The following NETO1 variants were observed in gnomAD, a reference collection of about 807,000 sequenced individuals.
The protein encoded by NETO1 is neuropilin and tolloid-like protein 1.
In NETO1, 26 loss-of-function variants were observed where a neutral mutation model predicts 61.3. The observed-to-expected ratio is 0.42, with a 90% CI of 0.31 to 0.59. NETO1 has a LOEUF of 0.59. NETO1 is among the 20% of genes least tolerant of loss of function. The pLI, the probability that NETO1 is intolerant of heterozygous loss-of-function variation, is 0.12. For missense variants in NETO1, 531 were observed against 662.8 expected, an observed-to-expected ratio of 0.80 and a Z score of 2.18; for synonymous variants, 225 against 225.8, an observed-to-expected ratio of 1.00 and a Z score of 0.03.
chr18:72,821,571 A>AAC (rs1568227866), intron 4 of NETO1, among the ~76,000 whole-genome samples: 8 of 150,652 alleles, frequency 5.3e-5, no homozygotes, highest in South Asian at 2.1e-4. Flanking sequence ...AAAAAAAAAA[A>AAC]AAAAAAGGAA....
intron 7 of NETO1, among the ~76,000 whole-genome samples, chr18:72,777,604 G>A (rs927363938): frequency 9.2e-5 from 14 of 151,560 alleles, no homozygotes; most frequent in Admixed American, 1.3e-4. Context: ...TTAGCAGGGC[G>A]TGGTGGCGGG....
chr18:72,775,150 T>C (rs944987312), intron 7 of NETO1, among the ~76,000 whole-genome samples: 21 of 152,208 alleles, frequency 1.4e-4, no homozygotes, highest in African/African-American at 4.3e-4. Context: ...ATTATACCTA[T>C]GGGAGCAAGC....
At chr18:72,837,373 AG>A (rs2073784318) in intron 4 of NETO1, among the ~76,000 whole-genome samples, 1 of 152,194 alleles carries the variant, frequency 6.6e-6, no homozygotes, top group Non-Finnish European at 1.5e-5. Context: ...TATAAGAAAA[AG>A]TAATCATTGC....
intron 7 of NETO1, among the ~76,000 whole-genome samples, chr18:72,768,440 C>G (rs1291381559): frequency 6.6e-6 from 1 of 152,092 alleles, no homozygotes; most frequent in African/African-American, 2.4e-5. Flanking sequence ...CAGCTTAATA[C>G]AAACAAGCAA....
intron 3 of NETO1, 117 bp from the exon 4 acceptor site, chr18:72,859,191 G>C: frequency 1.0e-6 from 1 of 986,926 alleles, no homozygotes; most frequent in Non-Finnish European, 1.5e-6. Context: ...TGGATGATAT[G>C]CATAGAAATA....
chr18:72,763,991 A>G (rs947724499), intron 7 of NETO1, among the ~76,000 whole-genome samples: 6 of 152,134 alleles, frequency 3.9e-5, no homozygotes, highest in African/African-American at 9.7e-5. Context: ...GCGAAGGGGG[A>G]AACCCCTTAT....
chr18:72,831,093 T>C (rs1485959942), intron 4 of NETO1, among the ~76,000 whole-genome samples: 1 of 152,200 alleles, frequency 6.6e-6, no homozygotes, highest in African/African-American at 2.4e-5. Flanking sequence ...AGTATTTATT[T>C]CTGGCTCCTC....
rs1284899396 is a variant in NETO1 at position 72,830,152 on chromosome 18, A to G, written c.469+28674T>C. On this transcript the variant is annotated intron_variant, in intron 4 of 10. Coordinates refer to ENST00000327305, the MANE Select transcript of NETO1 (RefSeq NM_138966.5). The surrounding 1 kb of genome is among the most constrained non-coding windows in gnomAD (Gnocchi z 4.9). Reference sequence around the variant, plus strand: ...ATAAAACCTATGGCTTTATCATCATAGAGGATCATGCATGTAAGCCGTCCA... The same window carrying G: ...ATAAAACCTATGGCTTTATCATCATGGAGGATCATGCATGTAAGCCGTCCA... Among the ~76,000 whole-genome samples, 1 of 152,166 alleles carries G rather than the reference A, an allele frequency of 6.6e-6. No individual in the cohort carries two copies. Among genetic ancestry groups the G allele is most frequent in the Non-Finnish European group, 1.5e-5 (1 of 68,022 alleles).
At chr18:72,799,919 T>A (rs1366831017) in intron 4 of NETO1, among the ~76,000 whole-genome samples, 1 of 152,220 alleles carries the variant, frequency 6.6e-6, no homozygotes, top group Admixed American at 6.5e-5. Flanking sequence ...CTCAACAAAC[T>A]CAATCTGTCA....
intron 4 of NETO1, among the ~76,000 whole-genome samples, chr18:72,826,057 C>T (rs1403329227): frequency 6.6e-6 from 1 of 152,096 alleles, no homozygotes; most frequent in Non-Finnish European, 1.5e-5. Context: ...TTTCATATAA[C>T]TTACTTGTAT....
chr18:72,807,400 GC>G, intron 4 of NETO1, among the ~76,000 whole-genome samples: 1 of 152,220 alleles, frequency 6.6e-6, no homozygotes, highest in African/African-American at 2.4e-5. Flanking sequence ...GGCTTGTAAA[GC>G]TTTTTTGTTC....
At chr18:72,844,648 A>G (rs1276010792) in intron 4 of NETO1, among the ~76,000 whole-genome samples, 1 of 152,078 alleles carries the variant, frequency 6.6e-6, no homozygotes, top group Non-Finnish European at 1.5e-5. Flanking sequence ...ATTTCATTTT[A>G]TTCATTTATT....
chr18:72,813,896 GA>G (rs1006460287), intron 4 of NETO1, among the ~76,000 whole-genome samples: 2 of 151,614 alleles, frequency 1.3e-5, no homozygotes, highest in Non-Finnish European at 2.9e-5. Context: ...TGTTGAAAAA[GA>G]AAAAAATCTA....
At chr18:72,755,892 C>CA in intron 8 of NETO1, 142 bp downstream of exon 8, 1 of 510,938 alleles carries the variant, frequency 2.0e-6, no homozygotes, top group Non-Finnish European at 3.6e-6. Flanking sequence ...AAAACGCTTA[C>CA]AAATCAATTA....
At chr18:72,797,380 AT>A (rs1202167171) in intron 4 of NETO1, among the ~76,000 whole-genome samples, 2 of 152,240 alleles carry the variant, frequency 1.3e-5, no homozygotes, top group East Asian at 3.8e-4. Flanking sequence ...TATGAAAAAA[AT>A]GTTTTTGTAA....
intron 4 of NETO1, among the ~76,000 whole-genome samples, chr18:72,813,859 G>A (rs879454469): frequency 6.6e-6 from 1 of 151,896 alleles, no homozygotes; most frequent in African/African-American, 2.4e-5. Flanking sequence ...AATATTTAAA[G>A]AGATAATTAT....
At chr18:72,780,736 T>C (rs887728511) in intron 7 of NETO1, among the ~76,000 whole-genome samples, 8 of 152,170 alleles carry the variant, frequency 5.3e-5, no homozygotes, top group Non-Finnish European at 1.2e-4. Flanking sequence ...CAAACATAAA[T>C]ATTACCTTTG....
At position 72,750,589 on chromosome 18, in the gene NETO1, C is replaced by T; in HGVS notation, c.1014G>A (p.Leu338=). 1.2e-6 allele frequency: 2 copies of T among 1,608,904 alleles called. No individual in the cohort carries two copies. The highest frequency in any genetic ancestry group is 1.7e-6 in the Non-Finnish European group (2 of 1,179,144). ...CAATGACAGTCCCACTGGTGTTGGTCAGCTGGTCCAGCAGGCTGGTTTTCC... is the reference window on the plus strand; with the variant it reads ...CAATGACAGTCCCACTGGTGTTGGTTAGCTGGTCCAGCAGGCTGGTTTTCC... ...EKRKTSLLDQ[L]TNTSGTVIGV... Residue 338 remains leucine, a synonymous_variant, in exon 9 of 11, where the codon CTG becomes CTA. Coordinates refer to ENST00000327305, the MANE Select transcript of NETO1 (RefSeq NM_138966.5).
At chr18:72,776,253 T>C (rs1198579004) in intron 7 of NETO1, among the ~76,000 whole-genome samples, 1 of 152,012 alleles carries the variant, frequency 6.6e-6, no homozygotes, top group Non-Finnish European at 1.5e-5. Context: ...TAGAAACTAA[T>C]CCATTCCTGA....
Sources: allele counts gnomAD v4.1 joint callset (sites outside exome capture counted in the v4.1 genomes callset), GRCh38; gene constraint gnomAD v4.1.1; non-coding constraint Gnocchi (gnomAD v3.1); transcripts MANE v1.5; gene names NCBI Gene and HGNC (gene_info 2026-07-23, HGNC 2026-07-21).